Variants in ATP2C2 observed in about 807,000 individuals in gnomAD.
ATP2C2 encodes the protein ATPase secretory pathway Ca2+ transporting 2, also known as calcium-transporting ATPase type 2C member 2.
A neutral mutation model predicts 110.8 loss-of-function variants in ATP2C2; 171 were observed. The ratio of observed to expected loss-of-function variants is 1.54; its 90% CI spans 1.36 to 1.75. The LOEUF is 1.75. ATP2C2 is among the 40% of genes most tolerant of loss of function. The pLI, the probability that ATP2C2 is intolerant of heterozygous loss-of-function variation, is 0.00. For missense variants in ATP2C2, 1,963 were observed against 1,235.0 expected (o/e 1.59, Z -8.84); for synonymous variants, 804 against 508.4 (o/e 1.58, Z -7.82).
intron 1 of ATP2C2, among the ~76,000 whole-genome samples, chr16:84,396,929 T>C (rs142415496): frequency 2.2e-4 from 33 of 151,774 alleles, no homozygotes; most frequent in Middle Eastern, 6.8e-3. Flanking sequence ...TCTAAGCAAA[T>C]AGGCATTTGG....
In ATP2C2 at chr16:84,449,734, T is replaced by C. The variant is rs551802254; in HGVS notation, c.1660+1045T>C. Among the ~76,000 whole-genome samples, 67 of 152,284 alleles carry C rather than the reference T, an allele frequency of 4.4e-4. 1 individual carries two copies. The South Asian group carries it at 0.013, about 29-fold the overall frequency. On this transcript the variant is annotated intron_variant, in intron 17 of 26. Coordinates refer to ENST00000262429, the MANE Select transcript of ATP2C2 (RefSeq NM_014861.4). ...GCACAGTGGAGAGATTGGGAGACAA[T>C]CTGGCACGTGGGTGGCAGCTGCTTT...
intron 1 of ATP2C2, among the ~76,000 whole-genome samples, chr16:84,379,487 G>T (rs1410562996): frequency 2.0e-5 from 3 of 152,208 alleles, no homozygotes; most frequent in Non-Finnish European, 2.9e-5. Context: ...TTGATGACAT[G>T]TCCTCCAAGT....
At chr16:84,410,499 G>T (rs886743442) in intron 4 of ATP2C2, 69 bp from the exon 5 acceptor site, 1 of 1,518,956 alleles carries the variant, frequency 6.6e-7, no homozygotes, top group East Asian at 2.3e-5. Flanking sequence ...CAAGCCCCTA[G>T]CCTGCCACGC....
At chr16:84,385,124 G>A (rs1037211333) in intron 1 of ATP2C2, among the ~76,000 whole-genome samples, 2 of 152,146 alleles carry the variant, frequency 1.3e-5, no homozygotes, top group Non-Finnish European at 2.9e-5. Context: ...ATGGGCTCAC[G>A]GTTCTGCAGG....
At chr16:84,408,257 G>C in intron 3 of ATP2C2, 148 bp from the exon 4 acceptor site, 2 of 687,832 alleles carry the variant, frequency 2.9e-6, no homozygotes, top group South Asian at 1.7e-5. Context: ...GCATGGGGGT[G>C]GTCTCCCCAG....
chr16:84,391,267 C>G (rs1293419123), intron 1 of ATP2C2, among the ~76,000 whole-genome samples: 2 of 152,156 alleles, frequency 1.3e-5, no homozygotes, highest in East Asian at 3.8e-4. Flanking sequence ...TCACAGTGGA[C>G]TGATGTCTAC....
At chr16:84,453,270 G>A (rs764362892) in intron 19 of ATP2C2, 35 bp downstream of exon 19, 3 of 1,614,086 alleles carry the variant, frequency 1.9e-6, no homozygotes, top group Non-Finnish European at 2.5e-6. Context: ...CAGTGGGGCT[G>A]GGTCACAGCT....
intron 11 of ATP2C2, among the ~76,000 whole-genome samples, chr16:84,437,591 C>G (rs1210597194): frequency 6.6e-6 from 1 of 152,194 alleles, no homozygotes; most frequent in Non-Finnish European, 1.5e-5. Flanking sequence ...TCTCGGTTCA[C>G]TGCAACCTCC....
chr16:84,417,348 C>T (rs993457327), intron 7 of ATP2C2, among the ~76,000 whole-genome samples: 1 of 152,110 alleles, frequency 6.6e-6, no homozygotes, highest in African/African-American at 2.4e-5. Context: ...CTCTGAGCTT[C>T]GATCTCCTCA....
intron 17 of ATP2C2, among the ~76,000 whole-genome samples, chr16:84,451,196 C>T (rs933963397): frequency 6.6e-6 from 1 of 152,046 alleles, no homozygotes; most frequent in Non-Finnish European, 1.5e-5. Context: ...TAAGGGGAAA[C>T]CCCTCATAAA....
chr16:84,433,742 A>G (rs186288904), intron 11 of ATP2C2, among the ~76,000 whole-genome samples: 6 of 152,298 alleles, frequency 3.9e-5, no homozygotes, highest in African/African-American at 1.4e-4. Flanking sequence ...TCCCTGTCTT[A>G]TAAGCCATGA....
rs144546862 is a variant in ATP2C2 at position 84,398,741 on chromosome 16, T to C, written c.210+132T>C. 4.8e-4 allele frequency: 336 copies of C among 699,274 alleles called. 1 individual carries two copies. The African/African-American group carries it at 5.6e-3, about 12-fold the overall frequency. 43.3% of individuals were successfully genotyped at this position (699,274 alleles called of 1,614,324 possible). On this transcript the variant is annotated intron_variant, in intron 2 of 26. Transcript: ENST00000262429. ...TTTTATCATCAAGGTTGGAAAATAT[T>C]GTTGATGTTGAATGGTTCAGATTCC... is the stretch of plus-strand genomic sequence containing the variant.
intron 17 of ATP2C2, among the ~76,000 whole-genome samples, chr16:84,449,059 C>G (rs1307869430): frequency 6.6e-6 from 1 of 152,200 alleles, no homozygotes; most frequent in Admixed American, 6.5e-5. Context: ...TTCCCTTAGC[C>G]ATTTTCAATT....
intron 20 of ATP2C2, among the ~76,000 whole-genome samples, chr16:84,454,088 A>G (rs746903694): frequency 9.2e-5 from 14 of 152,138 alleles, no homozygotes; most frequent in Non-Finnish European, 1.8e-4. Flanking sequence ...TGATCCGCCT[A>G]TCTTCGCCTC....
At chr16:84,410,517 C>G (rs1212646921) in intron 4 of ATP2C2, 51 bp from the exon 5 acceptor site, 2 of 1,593,736 alleles carry the variant, frequency 1.3e-6, no homozygotes, top group Non-Finnish European at 8.6e-7. Context: ...CGCCCTGTCC[C>G]CCCTCCCACT....
intron 7 of ATP2C2, among the ~76,000 whole-genome samples, chr16:84,421,962 G>T (rs544204167): frequency 2.6e-5 from 4 of 152,060 alleles, no homozygotes; most frequent in Admixed American, 2.6e-4. Flanking sequence ...TGTGTTTCTG[G>T]TGTTACTGTT....
chr16:84,396,587 G>A lies in ATP2C2; in HGVS notation c.100-1912G>A, dbSNP rs117817363. ...AAAAAAAAAAAGGAAAAGTGAATTC[G>A]GTGTAGTGAGTCACAAATGGCAAGG... On this transcript the variant is annotated intron_variant, in intron 1 of 26. Coordinates refer to ENST00000262429, the MANE Select transcript of ATP2C2 (RefSeq NM_014861.4). Among the ~76,000 whole-genome samples the A allele has an allele frequency of 3.0e-3, 458 of 150,758 alleles. 3 individuals carry two copies. Among genetic ancestry groups the A allele is most frequent in the Non-Finnish European group, 5.1e-3 (346 of 67,854 alleles).
chr16:84,406,731 G>A, intron 3 of ATP2C2: 1 of 849,166 alleles, frequency 1.2e-6, no homozygotes, highest in Non-Finnish European at 1.4e-6. Context: ...CCGGAAGTTG[G>A]GGTTCAGGGA....
rs1023022182 is a variant in ATP2C2, at chr16:84,405,238, G to C, written c.321G>C (p.Leu107=). 5 of 1,612,306 alleles carry C rather than the reference G, an allele frequency of 3.1e-6. No homozygotes were observed. Among genetic ancestry groups the C allele is most frequent in the Non-Finnish European group, 4.2e-6 (5 of 1,178,640 alleles). ...GCGAACCTGTGTGGAAGAAATACCT[G>C]GATCAGGTAGGACCAGAGGTGTCAT... ...DNSEPVWKKY[L]DQFKNPLILL... is the part of the protein sequence containing the mutation. Residue 107 remains leucine, a synonymous_variant, in exon 3 of 27, where the codon CTG becomes CTC. Coordinates refer to ENST00000262429, the MANE Select transcript of ATP2C2 (RefSeq NM_014861.4).
Sources: gnomAD v4.1 joint callset for allele counts (sites outside exome capture counted in the v4.1 genomes callset) on GRCh38, gnomAD v4.1.1 for gene constraint, MANE v1.5 for transcripts, NCBI Gene and HGNC (gene_info 2026-07-23, HGNC 2026-07-21) for gene names.